Variants in COL4A6 observed in about 807,000 individuals in gnomAD.
The protein encoded by COL4A6 is collagen alpha-6(IV) chain.
Under a neutral mutation model 126.7 loss-of-function variants are expected in COL4A6, and 59 were observed. The observed-to-expected ratio is 0.47, with a 90% CI of 0.38 to 0.58. The LOEUF (loss-of-function observed/expected upper bound fraction) is 0.58. COL4A6 is among the 20% of genes least tolerant of loss of function. The pLI is 0.00. For missense variants in COL4A6, 1,285 were observed against 1,337.3 expected, an observed-to-expected ratio of 0.96 and a Z score of 0.61; for synonymous variants, 547 against 496.6, an observed-to-expected ratio of 1.10 and a Z score of -1.35.
chrX:108,405,534 G>A (rs1405001786), intron 2 of COL4A6, among the ~76,000 whole-genome samples: 2 of 111,342 alleles, frequency 1.8e-5, no homozygotes, highest in East Asian at 5.6e-4. Flanking sequence ...TTAGGTCAGG[G>A]CTTTCCTATA....
intron 3 of COL4A6, among the ~76,000 whole-genome samples, chrX:108,234,263 T>C (rs898236397): frequency 2.7e-5 from 3 of 112,095 alleles, no homozygotes; most frequent in Non-Finnish European, 5.6e-5. Flanking sequence ...AGTCTGAGTC[T>C]AGCAGCTTTT....
At chrX:108,289,688 A>G (rs1005688506) in intron 3 of COL4A6, among the ~76,000 whole-genome samples, 2 of 110,530 alleles carry the variant, frequency 1.8e-5, no homozygotes, top group Non-Finnish European at 3.8e-5. Flanking sequence ...AAGTTGTCCT[A>G]CTCTCTGCAA....
chrX:108,237,564 A>G (rs2036459005), intron 3 of COL4A6, among the ~76,000 whole-genome samples: 1 of 111,990 alleles, frequency 8.9e-6, no homozygotes, highest in African/African-American at 3.2e-5. Flanking sequence ...TCTTCCAAAC[A>G]GACTTCTCAG....
chrX:108,317,327 G>A (rs1358427294), intron 2 of COL4A6, among the ~76,000 whole-genome samples: 2 of 111,874 alleles, frequency 1.8e-5, no homozygotes, highest in African/African-American at 3.3e-5. Context: ...TGCTTGGGAA[G>A]CGTCAGGAAT....
intron 2 of COL4A6, among the ~76,000 whole-genome samples, chrX:108,429,124 T>C (rs1304674362): frequency 1.8e-5 from 2 of 112,166 alleles, no homozygotes; most frequent in Non-Finnish European, 3.8e-5. Context: ...GAACTACTGA[T>C]ACTTATAACA....
intron 3 of COL4A6, among the ~76,000 whole-genome samples, chrX:108,305,913 C>A (rs1012330862): frequency 1.8e-5 from 2 of 111,706 alleles, no homozygotes; most frequent in Admixed American, 1.9e-4. Context: ...GCAGAGATAT[C>A]CAGCAAGAAA....
intron 2 of COL4A6, among the ~76,000 whole-genome samples, chrX:108,371,047 T>A (rs1014700549): frequency 1.8e-5 from 2 of 110,204 alleles, no homozygotes; most frequent in African/African-American, 6.6e-5. Flanking sequence ...TTTGGAGAAA[T>A]GGAACCAGTT....
At chrX:108,261,985 C>T (rs1014290778) in intron 3 of COL4A6, among the ~76,000 whole-genome samples, 1 of 111,801 alleles carries the variant, frequency 8.9e-6, no homozygotes, top group African/African-American at 3.2e-5. Context: ...ATAACCAACT[C>T]TTGGCAAAAA....
At chrX:108,275,237 C>T (rs539848645) in intron 3 of COL4A6, among the ~76,000 whole-genome samples, 9 of 111,483 alleles carry the variant, frequency 8.1e-5, no homozygotes, top group African/African-American at 2.9e-4. Flanking sequence ...AAAGGAAGAA[C>T]CTTCTATTGC....
intron 2 of COL4A6, among the ~76,000 whole-genome samples, chrX:108,325,861 A>G (rs2039144853): frequency 8.9e-6 from 1 of 111,807 alleles, no homozygotes; most frequent in African/African-American, 3.2e-5. Flanking sequence ...AGAATTTGAG[A>G]AAATCCAGCC....
chrX:108,342,047 G>A (rs2039579702), intron 2 of COL4A6, among the ~76,000 whole-genome samples: 1 of 112,012 alleles, frequency 8.9e-6, no homozygotes, highest in Non-Finnish European at 1.9e-5. Context: ...TCAGAAGGAA[G>A]TTCTTGGCAA....
intron 2 of COL4A6, among the ~76,000 whole-genome samples, chrX:108,428,353 T>C (rs2064122486): frequency 1.8e-5 from 2 of 111,964 alleles, no homozygotes; most frequent in African/African-American, 3.2e-5. Context: ...TCTCATCTTA[T>C]CAAACATCAA....
chrX:108,164,830 TG>T (rs1021123578), intron 39 of COL4A6, 46 bp downstream of exon 39: 2 of 1,189,188 alleles, frequency 1.7e-6, no homozygotes, highest in Admixed American at 4.5e-5. Context: ...GAAGGAGTCC[TG>T]GCCGTGGAGT....
chrX:108,430,449 A>G (rs2064157741), intron 2 of COL4A6, among the ~76,000 whole-genome samples: 2 of 111,966 alleles, frequency 1.8e-5, no homozygotes, highest in Admixed American at 1.9e-4. Context: ...TATGCATTTT[A>G]TCCTGGAAGA....
chrX:108,241,890 T>C (rs1196514584), intron 3 of COL4A6, among the ~76,000 whole-genome samples: 1 of 110,831 alleles, frequency 9.0e-6, no homozygotes, highest in Non-Finnish European at 1.9e-5. Context: ...CTGGTTTTAC[T>C]AATGTTAACA....
intron 2 of COL4A6, among the ~76,000 whole-genome samples, chrX:108,402,947 TATCA>T (rs1436686886): frequency 6.3e-5 from 7 of 111,617 alleles, no homozygotes; most frequent in Non-Finnish European, 1.3e-4. Flanking sequence ...ACATTTACTA[TATCA>T]AGCTTGTACT....
At chrX:108,364,426 T>C (rs1331110454) in intron 2 of COL4A6, among the ~76,000 whole-genome samples, 4 of 111,335 alleles carry the variant, frequency 3.6e-5, no homozygotes, top group African/African-American at 1.3e-4. Flanking sequence ...TTAATTTTTT[T>C]TAATTTTTAA....
At chrX:108,238,326 C>T (rs1216636374) in intron 3 of COL4A6, among the ~76,000 whole-genome samples, 1 of 109,335 alleles carries the variant, frequency 9.1e-6, no homozygotes, top group Non-Finnish European at 1.9e-5. Context: ...CCAGGTTGGT[C>T]TTGAACTCCT....
chrX:108,229,910 A>G (rs1021753205), intron 3 of COL4A6, among the ~76,000 whole-genome samples: 7 of 112,397 alleles, frequency 6.2e-5, no homozygotes, highest in Non-Finnish European at 1.3e-4. Flanking sequence ...GAGACAGGGA[A>G]AAGACATAGT....
Sources: gnomAD v4.1 joint callset for allele counts (sites outside exome capture counted in the v4.1 genomes callset) on GRCh38, gnomAD v4.1.1 for gene constraint, MANE v1.5 for transcripts, NCBI Gene and HGNC (gene_info 2026-07-23, HGNC 2026-07-21) for gene names.